The following HEMK2 variants were observed in gnomAD, a reference collection of about 807,000 sequenced individuals.
HEMK2 encodes HemK methyltransferase 2, ETF1 glutamine and histone H4 lysine.
At chr21:28,838,968 A>ATATATATAT in the HEMK2 span, among the ~76,000 whole-genome samples, 4 of 41,114 alleles carry the variant, frequency 9.7e-5, no homozygotes, top group African/African-American at 4.6e-4. Context: ...AAAAAAAAAA[A>ATATATATAT]AAAAATATAT....
the HEMK2 span, among the ~76,000 whole-genome samples, chr21:28,796,918 A>G: frequency 1.3e-5 from 2 of 152,176 alleles, no homozygotes; most frequent in Non-Finnish European, 2.9e-5. Context: ...AGGCACTTCA[A>G]TATAAATTTC....
chr21:28,754,826 T>C, the HEMK2 span, among the ~76,000 whole-genome samples: 1 of 152,236 alleles, frequency 6.6e-6, no homozygotes, highest in African/African-American at 2.4e-5. Context: ...TTATTTTTAA[T>C]GTGCCTGCAA....
At chr21:28,831,639 GAAA>G in the HEMK2 span, among the ~76,000 whole-genome samples, 6 of 21,258 alleles carry the variant, frequency 2.8e-4, no homozygotes, top group South Asian at 1.8e-3. Flanking sequence ...AGGAAGGAAA[GAAA>G]GAAAGAAAGA....
At chr21:28,747,508 G>A in the HEMK2 span, among the ~76,000 whole-genome samples, 1 of 152,178 alleles carries the variant, frequency 6.6e-6, no homozygotes, top group African/African-American at 2.4e-5. Context: ...AAACAAAATA[G>A]TTCTATTCAA....
the HEMK2 span, among the ~76,000 whole-genome samples, chr21:28,605,712 G>A: frequency 2.0e-4 from 30 of 152,242 alleles, no homozygotes; most frequent in African/African-American, 7.2e-4. Flanking sequence ...GTATCTGTGT[G>A]AGTTAATCCA....
chr21:28,836,808 G>T, the HEMK2 span, among the ~76,000 whole-genome samples: 1 of 137,590 alleles, frequency 7.3e-6, no homozygotes. Flanking sequence ...AAGTAAAGCG[G>T]TTAAAAAAAA....
the HEMK2 span, among the ~76,000 whole-genome samples, chr21:28,776,434 G>A: frequency 2.0e-5 from 3 of 152,238 alleles, no homozygotes; most frequent in Non-Finnish European, 4.4e-5. Flanking sequence ...ATCCTATTCT[G>A]AGAGAGGCCC....
At chr21:28,707,680 T>C in the HEMK2 span, among the ~76,000 whole-genome samples, 36 of 152,124 alleles carry the variant, frequency 2.4e-4, no homozygotes, top group Non-Finnish European at 4.0e-4. Flanking sequence ...TAAACTATCC[T>C]ACTATATATA....
chr21:28,692,794 T>C, the HEMK2 span, among the ~76,000 whole-genome samples: 2 of 152,162 alleles, frequency 1.3e-5, no homozygotes, highest in Non-Finnish European at 2.9e-5. Context: ...GTGTGGTATA[T>C]TCAAACAAGA....
At chr21:28,603,485 T>C in the HEMK2 span, among the ~76,000 whole-genome samples, 2 of 151,072 alleles carry the variant, frequency 1.3e-5, no homozygotes, top group African/African-American at 4.9e-5. Flanking sequence ...TATAGATAGA[T>C]AGATACAAAC....
chr21:28,577,647 A>G, the HEMK2 span, among the ~76,000 whole-genome samples: 1 of 152,216 alleles, frequency 6.6e-6, no homozygotes, highest in Non-Finnish European at 1.5e-5. Flanking sequence ...CAGGTTTCCC[A>G]GCTACATTTG....
the HEMK2 span, among the ~76,000 whole-genome samples, chr21:28,653,422 C>T: frequency 3.9e-5 from 6 of 152,130 alleles, no homozygotes. Flanking sequence ...TAAACTGGTC[C>T]AGCTCCTTGT....
chr21:28,773,859 T>C, the HEMK2 span, among the ~76,000 whole-genome samples: 24 of 152,304 alleles, frequency 1.6e-4, no homozygotes, highest in Admixed American at 4.6e-4. Context: ...GCAGGAAAAC[T>C]GCTCCCAAGC....
chr21:28,689,329 C>A, the HEMK2 span, among the ~76,000 whole-genome samples: 2 of 152,088 alleles, frequency 1.3e-5, no homozygotes, highest in Non-Finnish European at 2.9e-5. Context: ...ACAAAAGCAG[C>A]CAGTTCAAGA....
At chr21:28,589,308 G>GT in the HEMK2 span, among the ~76,000 whole-genome samples, 4 of 152,130 alleles carry the variant, frequency 2.6e-5, no homozygotes, top group Non-Finnish European at 4.4e-5. Context: ...AACATATGCA[G>GT]TTTTTTAAAA....
At chr21:28,715,901 CT>C in the HEMK2 span, among the ~76,000 whole-genome samples, 1 of 152,130 alleles carries the variant, frequency 6.6e-6, no homozygotes, top group East Asian at 1.9e-4. Context: ...ATAGACAGTC[CT>C]TTCCCTATTG....
chr21:28,776,175 T>G, the HEMK2 span, among the ~76,000 whole-genome samples: 1 of 152,188 alleles, frequency 6.6e-6, no homozygotes, highest in African/African-American at 2.4e-5. Flanking sequence ...TCAATGGCAA[T>G]GCCTCAAGCC....
the HEMK2 span, among the ~76,000 whole-genome samples, chr21:28,601,322 T>C: frequency 6.6e-6 from 1 of 152,210 alleles, no homozygotes; most frequent in Non-Finnish European, 1.5e-5. Flanking sequence ...CTCACTGCAC[T>C]TCCCCTCACC....
At chr21:28,814,548 A>C in the HEMK2 span, among the ~76,000 whole-genome samples, 30 of 151,692 alleles carry the variant, frequency 2.0e-4, no homozygotes, top group South Asian at 8.3e-4. Flanking sequence ...AAAAAAAAAA[A>C]CCCCATCAAA....
Sources: gnomAD v4.1 joint callset for allele counts (sites outside exome capture counted in the v4.1 genomes callset) on GRCh38, gnomAD v4.1.1 for gene constraint, MANE v1.5 for transcripts, NCBI Gene and HGNC (gene_info 2026-07-23, HGNC 2026-07-21) for gene names.